KCNH7: variants seen among roughly 807,000 people sequenced by gnomAD.
The protein encoded by KCNH7 is voltage-gated inwardly rectifying potassium channel KCNH7.
KCNH7 carries 49 observed loss-of-function variants against 120.8 expected under a neutral mutation model. The ratio of observed to expected loss-of-function variants is 0.41; its 90% CI spans 0.32 to 0.51. The LOEUF (loss-of-function observed/expected upper bound fraction) is 0.51. Among genes scored for constraint, KCNH7 ranks in the 20% least tolerant of loss-of-function variants. The pLI, the probability that KCNH7 is intolerant of heterozygous loss-of-function variation, is 0.38. For missense variants in KCNH7, 1,097 were observed against 1,446.6 expected, an observed-to-expected ratio of 0.76 and a Z score of 3.92; for synonymous variants, 547 against 516.1, an observed-to-expected ratio of 1.06 and a Z score of -0.81.
intron 2 of KCNH7, among the ~76,000 whole-genome samples, chr2:162,627,335 C>T (rs138961805): frequency 2.0e-4 from 31 of 152,110 alleles, no homozygotes; most frequent in Middle Eastern, 3.4e-3. Flanking sequence ...CATCTCTGAC[C>T]CAGGTGAACA....
chr2:162,520,607 A>T (rs1185440092), intron 3 of KCNH7, among the ~76,000 whole-genome samples: 1 of 151,688 alleles, frequency 6.6e-6, no homozygotes, highest in East Asian at 2.0e-4. Context: ...ATAAAAAAAC[A>T]ACAACAACAA....
intron 2 of KCNH7, among the ~76,000 whole-genome samples, chr2:162,690,464 T>C (rs941118198): frequency 4.6e-5 from 7 of 152,212 alleles, no homozygotes; most frequent in Admixed American, 1.3e-4. Flanking sequence ...ATCATTCATT[T>C]GTCTGGGATT....
intron 3 of KCNH7, among the ~76,000 whole-genome samples, chr2:162,521,081 G>C (rs1414315725): frequency 6.6e-6 from 1 of 151,670 alleles, no homozygotes; most frequent in South Asian, 2.1e-4. Context: ...TTCTGAACAG[G>C]TTACCACCCC....
chr2:162,516,358 G>A (rs906486409), intron 4 of KCNH7, among the ~76,000 whole-genome samples: 3 of 151,756 alleles, frequency 2.0e-5, no homozygotes, highest in Admixed American at 6.6e-5. Context: ...ATGGGTCCCT[G>A]CTGCTGAGTG....
At chr2:162,539,590 TTACTAAAAATCATAG>T (rs145709591) in intron 2 of KCNH7, among the ~76,000 whole-genome samples, 2,259 of 152,118 alleles carry the variant, frequency 0.015, 62 homozygotes, top group African/African-American at 0.052. Flanking sequence ...ATTTACTGAA[TTACTAAAAATCATAG>T]TACTAAAAAT....
At chr2:162,429,381 G>GTTTTTTTTTTTTTTTTTTTTTTTTTT (rs1158431426) in intron 8 of KCNH7, among the ~76,000 whole-genome samples, 1 of 43,426 alleles carries the variant, frequency 2.3e-5, no homozygotes, top group African/African-American at 1.4e-4. Context: ...TGAGGAAAAA[G>GTTTTTTTTTTTTTTTTTTTTTTTTTT]TCTTTTTTTT....
At chr2:162,806,542 TA>T (rs941151977) in intron 2 of KCNH7, among the ~76,000 whole-genome samples, 9 of 152,144 alleles carry the variant, frequency 5.9e-5, no homozygotes, top group Non-Finnish European at 1.0e-4. Context: ...TCATTACAGT[TA>T]AAAAAACAGA....
chr2:162,585,460 T>G (rs1693995562), intron 2 of KCNH7, among the ~76,000 whole-genome samples: 2 of 152,116 alleles, frequency 1.3e-5, no homozygotes, highest in Non-Finnish European at 1.5e-5. Context: ...GTGCAAGTTT[T>G]AAAAATGTAG....
intron 6 of KCNH7, among the ~76,000 whole-genome samples, chr2:162,471,682 A>C (rs1689536903): frequency 1.3e-5 from 2 of 152,238 alleles, no homozygotes; most frequent in Admixed American, 1.3e-4. Flanking sequence ...TTATAGATTC[A>C]ATGCCATCCC....
intron 12 of KCNH7, among the ~76,000 whole-genome samples, chr2:162,388,144 A>T (rs1427350525): frequency 6.6e-6 from 1 of 151,884 alleles, no homozygotes; most frequent in Non-Finnish European, 1.5e-5. Flanking sequence ...GTATTGAAAG[A>T]GGCCTAGATG....
At chr2:162,679,378 C>T (rs1343922154) in intron 2 of KCNH7, among the ~76,000 whole-genome samples, 1 of 151,466 alleles carries the variant, frequency 6.6e-6, no homozygotes, top group Non-Finnish European at 1.5e-5. Context: ...GAGTAGAGTG[C>T]ATTGGTAGAT....
intron 14 of KCNH7, among the ~76,000 whole-genome samples, chr2:162,376,820 T>A (rs943095718): frequency 2.6e-5 from 4 of 152,172 alleles, no homozygotes; most frequent in Non-Finnish European, 5.9e-5. Context: ...TGGTCTAGAA[T>A]CAAGTCTTAA....
chr2:162,582,997 T>C (rs1693928175), intron 2 of KCNH7, among the ~76,000 whole-genome samples: 1 of 152,050 alleles, frequency 6.6e-6, no homozygotes, highest in African/African-American at 2.4e-5. Flanking sequence ...AGTTGCTTAG[T>C]GAGAGTGAGA....
intron 3 of KCNH7, among the ~76,000 whole-genome samples, chr2:162,531,516 C>T (rs984816142): frequency 1.3e-5 from 2 of 151,946 alleles, no homozygotes; most frequent in African/African-American, 4.8e-5. Context: ...TAGAGGTTGA[C>T]ATTAGAAGTG....
intron 2 of KCNH7, among the ~76,000 whole-genome samples, chr2:162,779,969 A>G (rs2105491515): frequency 6.6e-6 from 1 of 152,334 alleles, no homozygotes; most frequent in African/African-American, 2.4e-5. Flanking sequence ...TTGAGTTTTA[A>G]CAAAAACTTT....
rs565005893 is a variant in KCNH7 at position 162,461,340 on chromosome 2, T to A, written c.1129-14897A>T. Among the ~76,000 whole-genome samples the A allele has an allele frequency of 9.2e-5, 14 of 152,302 alleles. No homozygotes were observed. In the East Asian group the frequency reaches 2.7e-3, roughly 29 times the overall value. On this transcript the variant is annotated intron_variant, in intron 6 of 15. Transcript: ENST00000332142. The stretch of plus-strand genomic sequence containing the variant: ...AGTGTCAATTTTCTTACTAGCAAAA[T>A]GAGGACAACAATATACAATTCATAG...
At chr2:162,814,129 AAGG>A (rs1266386447) in intron 2 of KCNH7, among the ~76,000 whole-genome samples, 2 of 152,168 alleles carry the variant, frequency 1.3e-5, no homozygotes, top group Non-Finnish European at 1.5e-5. Context: ...GAAAGAAAAG[AAGG>A]AGAAGAGGAA....
chr2:162,646,472 T>C (rs1421386400), intron 2 of KCNH7, among the ~76,000 whole-genome samples: 1 of 152,232 alleles, frequency 6.6e-6, no homozygotes, highest in Non-Finnish European at 1.5e-5. Flanking sequence ...TGAAATATAA[T>C]GAGATACCAC....
intron 8 of KCNH7, 42 bp from the exon 9 acceptor site, chr2:162,423,577 T>C (rs771391598): frequency 4.5e-6 from 7 of 1,545,784 alleles, no homozygotes; most frequent in Middle Eastern, 1.7e-4. Context: ...AAACTGCACA[T>C]AGGTGTGTTA....
Sources: gnomAD v4.1 joint callset for allele counts (sites outside exome capture counted in the v4.1 genomes callset) on GRCh38, gnomAD v4.1.1 for gene constraint, MANE v1.5 for transcripts, NCBI Gene and HGNC (gene_info 2026-07-23, HGNC 2026-07-21) for gene names.